MXRA5: variants seen among roughly 807,000 people sequenced by gnomAD.
MXRA5 encodes matrix-remodeling-associated protein 5.
MXRA5 carries 41 observed loss-of-function variants against 112.5 expected under a neutral mutation model. The ratio of observed to expected loss-of-function variants is 0.36; its 90% CI spans 0.28 to 0.47. The LOEUF is 0.47. Ranked by LOEUF, MXRA5 falls within the 20% of genes least tolerant of loss-of-function variation. The probability of loss-of-function intolerance (pLI) is 0.99; values close to 1 mark genes in which losing one functional copy is unlikely to be tolerated. For missense variants in MXRA5, 2,150 were observed against 2,251.0 expected (o/e 0.96, Z 0.91); for synonymous variants, 862 against 900.8 (o/e 0.96, Z 0.77).
intron 2 of MXRA5, among the ~76,000 whole-genome samples, chrX:3,341,485 A>G (rs1353775001): frequency 5.7e-5 from 1 of 17,638 alleles, no homozygotes; most frequent in African/African-American, 5.9e-4. Context: ...TATATATAAT[A>G]TATGTAATAT....
rs41302631 is a variant in MXRA5 at position 3,322,415 on chromosome X, G to C, written c.3270C>G (p.Ser1090Arg). ...TGGAGTCAGGCAAAGTGATGGATTT[G>C]CTCTCTTGGCCCTCACTCTCAGAAC... is the stretch of plus-strand genomic sequence containing the variant. ...SRSSESEGQESKSITLPDSTL... is the reference protein window; with the variant it reads ...SRSSESEGQERKSITLPDSTL... Residue 1090 changes from serine (S) to arginine (R), a missense_variant, in exon 5 of 7, where the codon AGC becomes AGG. Around this residue, in one of 6 missense-constraint regions of MXRA5, gnomAD observed 1,485 missense variants for 1,471.6 expected, o/e 1.01. Transcript: ENST00000217939. 8.3e-7 allele frequency: 1 copy of C among 1,209,543 alleles called. No individual in the cohort carries two copies. The highest frequency in any genetic ancestry group is 1.1e-6 in the Non-Finnish European group (1 of 895,036).
Position 3,309,077 on chromosome X carries a change from AAT to A in MXRA5, c.*637_*638del, listed in dbSNP as rs895166994. On this transcript the variant is annotated 3_prime_UTR_variant, in exon 7 of 7. Transcript: ENST00000217939. The stretch of plus-strand genomic sequence containing the variant: ...CTCATCGTCTGATTTGAAAGGAAAA[AAT>A]ATATATATAAAACATTATATAAAAA... The A allele has an allele frequency of 9.0e-6, 1 of 111,662 alleles. No individual in the cohort carries two copies. The highest frequency in any genetic ancestry group is 3.3e-5 in the African/African-American group (1 of 30,645). The allele number at this position is 111,662 out of a possible 1,213,427, so 9.2% of individuals were successfully genotyped here.
chrX:3,343,502 C>T (rs2146935155), intron 2 of MXRA5, 144 bp downstream of exon 2: 1 of 573,477 alleles, frequency 1.7e-6, no homozygotes, highest in East Asian at 3.7e-5. Flanking sequence ...TCTATTCTGC[C>T]CATCTGCAGC....
In MXRA5 at chrX:3,317,243, C is replaced by A. The variant is rs1402329231; in HGVS notation, c.6438G>T (p.Ala2146=). The A allele has an allele frequency of 8.3e-7, 1 of 1,211,048 alleles. No homozygotes were observed. Among genetic ancestry groups the A allele is most frequent in the African/African-American group, 1.7e-5 (1 of 58,048 alleles). ...TCCGCGGGGAGGTGCCCGTGATGCG[C>A]GCGTTGGCTGCTGCACGCTGCACGT... ...QLNVQRAAAN[A]RITGTSPRRT... Residue 2146 remains alanine, a synonymous_variant, in exon 6 of 7, where the codon GCG becomes GCT. Coordinates refer to ENST00000217939, the MANE Select transcript of MXRA5 (RefSeq NM_015419.4).
In MXRA5 at chrX:3,346,576, C is replaced by T; in HGVS notation, c.-90G>A. ...GCCGGGAGCATCCACCGAGCCGGGG[C>T]GCGCGAGTCACGGCCGGGAGTTTGC... On this transcript the variant is annotated 5_prime_UTR_variant, in exon 1 of 7. Coordinates refer to ENST00000217939, the MANE Select transcript of MXRA5 (RefSeq NM_015419.4). 8 of 754,646 alleles carry T rather than the reference C, an allele frequency of 1.1e-5. No homozygotes were observed. Among genetic ancestry groups the T allele is most frequent in the Non-Finnish European group, 1.3e-5 (8 of 639,219 alleles). The allele number at this position is 754,646 out of a possible 1,213,427, so 62.2% of individuals were successfully genotyped here.
At chrX:3,326,657 C>G (rs1024668420) in intron 4 of MXRA5, among the ~76,000 whole-genome samples, 7 of 109,788 alleles carry the variant, frequency 6.4e-5, no homozygotes, top group Non-Finnish European at 1.3e-4. Flanking sequence ...ACGTTGTCCT[C>G]TTGGTCTCCT....
rs1555943424 is a variant in MXRA5, at chrX:3,315,380, A to AGAT, written c.6578+1720_6578+1722dup. Among the ~76,000 whole-genome samples the AGAT allele has an allele frequency of 5.1e-4, 20 of 39,127 alleles. 2 individuals carry two copies. The highest frequency in any genetic ancestry group is 2.1e-3 in the African/African-American group (17 of 8,203). The allele number at this position is 39,127 out of a possible 115,157, so 34.0% of individuals were successfully genotyped here. On this transcript the variant is annotated intron_variant, in intron 6 of 6. Coordinates refer to ENST00000217939, the MANE Select transcript of MXRA5 (RefSeq NM_015419.4). Reference sequence around the variant, plus strand: ...AGATAGATAGATAGATAGAATAGATAGATAGATAGATGATAGATAGATAGA... The same window carrying AGAT: ...AGATAGATAGATAGATAGAATAGATAGATGATAGATAGATGATAGATAGATAGA...
Position 3,317,563 on chromosome X carries a change from G to A in MXRA5, c.6118C>T (p.Leu2040=). The stretch of plus-strand genomic sequence containing the variant: ...ACGGGGGGCAGTGCCGCCACGTGCA[G>A]GCGGATGGCCAGGCTGTCCGCCCCG... ...AAGADSLAIR[L]HVAALPPVIH... Residue 2040 remains leucine (L), a synonymous_variant, in exon 6 of 7, where the codon CTG becomes TTG. Transcript: ENST00000217939. 8.3e-7 allele frequency: 1 copy of A among 1,210,518 alleles called. No homozygotes were observed.
intron 6 of MXRA5, among the ~76,000 whole-genome samples, chrX:3,315,340 A>AAAT (rs1555943397): frequency 2.0e-5 from 1 of 48,980 alleles, no homozygotes; most frequent in Non-Finnish European, 3.8e-5. Context: ...AGATATAGAT[A>AAAT]GATAGATGAT....
chrX:3,338,978 A>ATAGATAGATAGATAGATAGATAGATAGG (rs1921852557), intron 2 of MXRA5, among the ~76,000 whole-genome samples: 1 of 110,093 alleles, frequency 9.1e-6, no homozygotes, highest in Non-Finnish European at 1.9e-5. Context: ...AGATAGATAG[A>ATAGATAGATAGATAGATAGATAGATAGG]TAGATAGATA....
In MXRA5 at chrX:3,322,774, C is replaced by T; in HGVS notation, c.2911G>A (p.Glu971Lys). 4 of 1,211,579 alleles carry T rather than the reference C, an allele frequency of 3.3e-6. No individual in the cohort carries two copies. Among genetic ancestry groups the T allele is most frequent in the Non-Finnish European group, 4.5e-6 (4 of 895,440 alleles). The stretch of plus-strand genomic sequence containing the variant: ...TCAAAGTATTGCATGGGCTCAGACT[C>T]AGCCAAGGAGACAGCATCCAATGGA... The part of the protein sequence containing the change: ...EPPLDAVSLA[E>K]SEPMQYFDPD... Residue 971 changes from glutamate to lysine, a missense_variant, in exon 5 of 7, where the codon GAG becomes AAG. Transcript: ENST00000217939.
Position 3,324,761 on chromosome X carries a change from C to T in MXRA5, c.924G>A (p.Leu308=), listed in dbSNP as rs771007072. The change falls in exon 5 of 7, where the codon CTG becomes CTA. Residue 308 remains leucine, a synonymous_variant. Coordinates refer to ENST00000217939, the MANE Select transcript of MXRA5 (RefSeq NM_015419.4). ...TCCACTGGGGCAGTTGGAATTTCTC[C>T]AGGATGAGCTGGCTGCCACCATCCT... ...QEEDGGSQLI[L]EKFQLPQWSI... 8.3e-7 allele frequency: 1 copy of T among 1,207,423 alleles called. No homozygotes were observed. The highest frequency in any genetic ancestry group is 1.8e-5 in the African/African-American group (1 of 56,965).
At position 3,323,219 on chromosome X, in the gene MXRA5, A is replaced by G; in HGVS notation, c.2466T>C (p.Pro822=). The G allele has an allele frequency of 1.7e-6, 2 of 1,211,690 alleles. No homozygotes were observed. Among genetic ancestry groups the G allele is most frequent in the East Asian group, 3.0e-5 (1 of 33,829 alleles). The change falls in exon 5 of 7, where the codon CCT becomes CCC. Residue 822 remains proline (P), a synonymous_variant. Coordinates refer to ENST00000217939, the MANE Select transcript of MXRA5 (RefSeq NM_015419.4). ...GAGATGCTGAGGGGGGAGAAATAGC[A>G]GGAAAAGGTGGTGTGACTTCTAGAC... ...SLSLEVTPPF[P]AISPPSASPV... is the part of the protein sequence containing the mutation.
chrX:3,335,802 G>A (rs1921772671), intron 2 of MXRA5, among the ~76,000 whole-genome samples: 1 of 112,393 alleles, frequency 8.9e-6, no homozygotes, highest in South Asian at 3.7e-4. Flanking sequence ...ACTATGCAGT[G>A]GCAGTAATCA....
At chrX:3,338,958 T>TTAGA (rs749467757) in intron 2 of MXRA5, among the ~76,000 whole-genome samples, 16,246 of 80,646 alleles carry the variant, frequency 0.2, 1,188 homozygotes, top group African/African-American at 0.23. Flanking sequence ...AGATAGATAG[T>TTAGA]TAGATAGATA....
chrX:3,320,308 G>A lies in MXRA5; in HGVS notation c.5377C>T (p.Pro1793Ser), dbSNP rs1272141729. 3.3e-6 allele frequency: 4 copies of A among 1,210,318 alleles called. No individual in the cohort carries two copies. The African/African-American group carries it at 7.0e-5, about 21-fold the overall frequency. Residue 1793 changes from proline to serine, a missense_variant, in exon 5 of 7, where the codon CCG becomes TCG. This residue lies in a region of MXRA5 where 1,485 missense variants were observed against 1,471.6 expected (regional missense o/e 1.01). Transcript: ENST00000217939. ...GPPAPPLLHT[P>S]QTTGSPSTNL... ...GTTGAGGGTGATCCCGTGGTCTGCG[G>A]AGTGTGCAACAACGGAGGTGCCGGA...
At position 3,323,681 on chromosome X, in the gene MXRA5, C is replaced by T; in HGVS notation, c.2004G>A (p.Val668=). ...GADHFTVGIT[V]TKKGSGLPSK... ...ATGGCAAGCCAGACCCTTTCTTGGT[C>T]ACTGTGATTCCCACCGTAAAATGGT... The change falls in exon 5 of 7, where the codon GTG becomes GTA. Residue 668 remains valine, a synonymous_variant. Transcript: ENST00000217939. The T allele has an allele frequency of 8.3e-7, 1 of 1,209,409 alleles. No individual in the cohort carries two copies. Among genetic ancestry groups the T allele is most frequent in the Non-Finnish European group, 1.1e-6 (1 of 893,869 alleles).
intron 2 of MXRA5, among the ~76,000 whole-genome samples, chrX:3,342,638 TATC>T (rs1922016790): frequency 8.9e-6 from 1 of 111,891 alleles, no homozygotes; most frequent in African/African-American, 3.2e-5. Flanking sequence ...TTAGGGAAAT[TATC>T]ATCTTATTCC....
At chrX:3,318,131 G>T in intron 5 of MXRA5, 128 bp from the exon 6 acceptor site, 1 of 508,573 alleles carries the variant, frequency 2.0e-6, no homozygotes, top group Non-Finnish European at 3.1e-6. Context: ...GTAGTAGGTA[G>T]AATGTTTTAG....
Sources: gnomAD v4.1 joint callset for allele counts (sites outside exome capture counted in the v4.1 genomes callset) on GRCh38, gnomAD v4.1.1 for gene constraint, gnomAD v4.1.1 regional missense constraint, MANE v1.5 for transcripts, NCBI Gene and HGNC (gene_info 2026-07-23, HGNC 2026-07-21) for gene names.